Variants in RBFOX1 observed in about 807,000 individuals in gnomAD.
RBFOX1 encodes the protein RNA binding fox-1 homolog 1.
A neutral mutation model predicts 57.7 loss-of-function variants in RBFOX1; 8 were observed. That is an observed-to-expected ratio of 0.14 (90% confidence interval 0.08 to 0.25). RBFOX1 has a LOEUF of 0.25. Ranked by LOEUF, RBFOX1 falls within the 10% of genes least tolerant of loss-of-function variation. RBFOX1 has a pLI of 1.00. For synonymous variants in RBFOX1, 326 were observed against 222.4 expected (o/e 1.47, Z -4.15); for missense variants, 611 against 548.5 (o/e 1.11, Z -1.14).
chr16:6,090,416 G>T (rs751785831), intron 1 of RBFOX1, among the ~76,000 whole-genome samples: 1 of 152,168 alleles, frequency 6.6e-6, no homozygotes, highest in Non-Finnish European at 1.5e-5. Flanking sequence ...ACTCTTCTGA[G>T]TGTAGCAGCA....
At chr16:6,100,154 T>TG (rs553292108) in intron 1 of RBFOX1, among the ~76,000 whole-genome samples, 148 of 150,716 alleles carry the variant, frequency 9.8e-4, no homozygotes, top group African/African-American at 3.5e-3. Flanking sequence ...TTTTTGTTGT[T>TG]GTTTTTTTTT....
chr16:7,311,456 G>T (rs914833967), intron 4 of RBFOX1, among the ~76,000 whole-genome samples: 5 of 143,760 alleles, frequency 3.5e-5, no homozygotes, highest in Non-Finnish European at 7.5e-5. Context: ...TGCATAAAAG[G>T]TTTAGTCTTG....
intron 4 of RBFOX1, among the ~76,000 whole-genome samples, chr16:7,265,958 G>GTATTTT (rs1567956396): frequency 9.3e-6 from 1 of 107,604 alleles, no homozygotes. Context: ...GATCTGGTGG[G>GTATTTT]TTTTTGTTTT....
At chr16:7,672,875 A>AAAAAAAAAAAAAAG in intron 13 of RBFOX1, among the ~76,000 whole-genome samples, 1 of 149,420 alleles carries the variant, frequency 6.7e-6, no homozygotes, top group Non-Finnish European at 1.5e-5. Context: ...CAAAAAAAAA[A>AAAAAAAAAAAAAAG]AAAAAAAAAA....
At chr16:7,275,178 G>T (rs2053629461) in intron 4 of RBFOX1, among the ~76,000 whole-genome samples, 1 of 152,146 alleles carries the variant, frequency 6.6e-6, no homozygotes, top group African/African-American at 2.4e-5. Context: ...TAGAGGGAGA[G>T]AGGAAGGGAG....
intron 1 of RBFOX1, among the ~76,000 whole-genome samples, chr16:6,158,803 C>A (rs1183853394): frequency 6.6e-6 from 1 of 152,076 alleles, no homozygotes; most frequent in Non-Finnish European, 1.5e-5. Context: ...GGGGAGAGGG[C>A]ACGTCTGGGA....
chr16:6,048,810 A>G (rs1176643683), intron 1 of RBFOX1, among the ~76,000 whole-genome samples: 1 of 152,156 alleles, frequency 6.6e-6, no homozygotes, highest in African/African-American at 2.4e-5. Context: ...ATGTACTTTA[A>G]AGACATAGCG....
intron 1 of RBFOX1, among the ~76,000 whole-genome samples, chr16:6,287,873 A>G (rs2077058330): frequency 6.6e-6 from 1 of 152,168 alleles, no homozygotes. Context: ...GTAGAACTTC[A>G]CATCTTCAGA....
chr16:7,561,835 A>G (rs150136430), intron 5 of RBFOX1, among the ~76,000 whole-genome samples: 3 of 152,356 alleles, frequency 2.0e-5, no homozygotes, highest in African/African-American at 7.2e-5. Flanking sequence ...AGCATAACGT[A>G]TAGAATTGCC....
chr16:6,775,071 A>C (rs2079078448), intron 3 of RBFOX1, among the ~76,000 whole-genome samples: 2 of 151,854 alleles, frequency 1.3e-5, no homozygotes, highest in Non-Finnish European at 2.9e-5. Context: ...CACGCCTGTA[A>C]TCCCAGCACT....
rs59806354 is a variant in RBFOX1 at position 6,676,142 on chromosome 16, G to GCA, written c.-16+21530_-16+21531dup. ...CTGCCTAGGGGACACACACACACGC[G>GCA]CACACACACACACACACACACACAC... On this transcript the variant is annotated intron_variant, in intron 3 of 15. Transcript: ENST00000550418. Among the ~76,000 whole-genome samples the GCA allele has an allele frequency of 8.5e-3, 1,237 of 145,896 alleles. 27 individuals are homozygous for GCA. The highest frequency in any genetic ancestry group is 0.03 in the African/African-American group (1,159 of 38,754).
At chr16:6,277,244 T>A (rs1307991036) in intron 1 of RBFOX1, among the ~76,000 whole-genome samples, 2 of 152,008 alleles carry the variant, frequency 1.3e-5, no homozygotes. Flanking sequence ...GCAGATAACT[T>A]CACCCTAGGA....
At chr16:7,050,126 C>G (rs185977569) in intron 3 of RBFOX1, among the ~76,000 whole-genome samples, 141 of 148,776 alleles carry the variant, frequency 9.5e-4, no homozygotes, top group African/African-American at 3.3e-3. Context: ...ATAAAGTCAC[C>G]TATTTCAGGT....
At chr16:6,870,225 G>C (rs940488227) in intron 3 of RBFOX1, among the ~76,000 whole-genome samples, 2 of 152,126 alleles carry the variant, frequency 1.3e-5, no homozygotes, top group African/African-American at 2.4e-5. Flanking sequence ...AGAGCCAAGA[G>C]AGTTAGCAGC....
rs147157419 is a variant in RBFOX1 at position 6,688,352 on chromosome 16, A to G, written c.-16+33702A>G. 2.7e-3 allele frequency among the ~76,000 whole-genome samples: 410 copies of G among 152,240 alleles called. 4 individuals carry two copies. Among genetic ancestry groups the G allele is most frequent in the African/African-American group, 9.0e-3 (376 of 41,552 alleles). ...CATTAGAAACCACCCCCATGATTCA[A>G]TCACCTCTCATCAGGCCCCACCTTC... On this transcript the variant is annotated intron_variant, in intron 3 of 15. Transcript: ENST00000550418.
intron 3 of RBFOX1, among the ~76,000 whole-genome samples, chr16:6,717,973 G>C (rs1171806482): frequency 6.6e-6 from 1 of 152,082 alleles, no homozygotes; most frequent in South Asian, 2.1e-4. Context: ...TCTGTAGGTG[G>C]CCTTCTCTCC....
At chr16:5,596,460 T>C (rs1323095482) in intron 2 of RBFOX1, among the ~76,000 whole-genome samples, 1 of 152,210 alleles carries the variant, frequency 6.6e-6, no homozygotes, top group Non-Finnish European at 1.5e-5. Flanking sequence ...TCTCTGTTTC[T>C]GTTACTGAGA....
chr16:6,032,796 C>T (rs192160173), intron 1 of RBFOX1, among the ~76,000 whole-genome samples: 1 of 151,862 alleles, frequency 6.6e-6, no homozygotes, highest in East Asian at 1.9e-4. Flanking sequence ...GAATTTATGT[C>T]ATAAGGTAAA....
chr16:7,394,891 C>T (rs991899689), intron 4 of RBFOX1, among the ~76,000 whole-genome samples: 3 of 152,150 alleles, frequency 2.0e-5, no homozygotes, highest in Admixed American at 6.6e-5. Context: ...CCTTGCCGTC[C>T]CCTGCAGCCT....
Sources: gnomAD v4.1 joint callset for allele counts (sites outside exome capture counted in the v4.1 genomes callset) on GRCh38, gnomAD v4.1.1 for gene constraint, MANE v1.5 for transcripts, NCBI Gene and HGNC (gene_info 2026-07-23, HGNC 2026-07-21) for gene names.